Variants in IQSEC2 observed in about 807,000 individuals in gnomAD.
IQSEC2 encodes IQ motif and SEC7 domain-containing protein 2.
In IQSEC2, 6 loss-of-function variants were observed where a neutral mutation model predicts 74.6. The ratio of observed to expected loss-of-function variants is 0.08; its 90% CI spans 0.04 to 0.16. The LOEUF (loss-of-function observed/expected upper bound fraction) is 0.16. Among genes scored for constraint, IQSEC2 ranks in the 10% least tolerant of loss-of-function variants. The pLI is 1.00. For missense variants in IQSEC2, 734 were observed against 1,306.2 expected, an observed-to-expected ratio of 0.56 and a Z score of 6.75; for synonymous variants, 494 against 544.5, an observed-to-expected ratio of 0.91 and a Z score of 1.29.
At chrX:53,278,052 C>T (rs1379027426) in intron 2 of IQSEC2, among the ~76,000 whole-genome samples, 1 of 96,360 alleles carries the variant, frequency 1.0e-5, no homozygotes, top group African/African-American at 4.0e-5. Context: ...ACTCTGTCGC[C>T]CAGGCTGGAG....
Position 53,292,801 on chromosome X carries a change from G to A in IQSEC2, c.708-877C>T, listed in dbSNP as rs782749830. Among the ~76,000 whole-genome samples, 13 of 111,736 alleles carry A rather than the reference G, an allele frequency of 1.2e-4. No homozygotes were observed. The South Asian group carries it at 2.6e-3, about 23-fold the overall frequency. ...TGTACACGTGTGTGTATGTGCGCGCGCACGTGTGTGTGTGTGTACGGGAGG... is the reference window on the plus strand; with the variant it reads ...TGTACACGTGTGTGTATGTGCGCGCACACGTGTGTGTGTGTGTACGGGAGG... On this transcript the variant is annotated intron_variant, in intron 1 of 14. Coordinates refer to ENST00000642864, the MANE Select transcript of IQSEC2 (RefSeq NM_001111125.3).
chrX:53,309,518 A>G (rs1249853143), intron 1 of IQSEC2, among the ~76,000 whole-genome samples: 1 of 111,897 alleles, frequency 8.9e-6, no homozygotes, highest in Non-Finnish European at 1.9e-5. Context: ...TCCAATATCT[A>G]TGCTTCTTTT....
chrX:53,242,245 C>A (rs1364819104), intron 9 of IQSEC2, among the ~76,000 whole-genome samples: 1 of 109,121 alleles, frequency 9.2e-6, no homozygotes, highest in African/African-American at 3.3e-5. Context: ...ATCAGCCTGG[C>A]CAACATGGTG....
In IQSEC2 at chrX:53,238,194, C is replaced by T. The variant is rs1284351565; in HGVS notation, c.3228G>A (p.Leu1076=). Residue 1076 remains leucine, a synonymous_variant, in exon 12 of 15, where the codon CTG becomes CTA. Coordinates refer to ENST00000642864, the MANE Select transcript of IQSEC2 (RefSeq NM_001111125.3). Reference sequence around the variant, plus strand: ...CCTGCACCTCCGCAATGGACTCGCGCAGGTCGGATGTAAAGCGCAGCCGGT... The same window carrying T: ...CCTGCACCTCCGCAATGGACTCGCGTAGGTCGGATGTAAAGCGCAGCCGGT... ...LQDRLRFTSD[L]RESIAEVQEM... 2 of 1,206,710 alleles carry T rather than the reference C, an allele frequency of 1.7e-6. No individual in the cohort carries two copies. The highest frequency in any genetic ancestry group is 2.2e-6 in the Non-Finnish European group (2 of 894,036).
chrX:53,294,773 C>T (rs916334344), intron 1 of IQSEC2, among the ~76,000 whole-genome samples: 6 of 111,952 alleles, frequency 5.4e-5, no homozygotes, highest in East Asian at 2.8e-4. Context: ...TAAAGGAGAC[C>T]GATTTCTCCT....
At chrX:53,273,339 G>A (rs2074773000) in intron 2 of IQSEC2, among the ~76,000 whole-genome samples, 1 of 110,923 alleles carries the variant, frequency 9.0e-6, no homozygotes, top group Non-Finnish European at 1.9e-5. Context: ...CGGTGTCATT[G>A]TCTATGTGCC....
chrX:53,321,178 A>C lies in IQSEC2; in HGVS notation c.-55T>G. ...AGGAGAGCCCTGTCCCCGCTCTCTCACGGCGCCACCCTCCCCCGGGCCCAG... is the reference window on the plus strand; with the variant it reads ...AGGAGAGCCCTGTCCCCGCTCTCTCCCGGCGCCACCCTCCCCCGGGCCCAG... On this transcript the variant is annotated 5_prime_UTR_variant, in exon 1 of 15. Transcript: ENST00000642864. The C allele has an allele frequency of 4.9e-5, 37 of 749,711 alleles. No homozygotes were observed. Among genetic ancestry groups the C allele is most frequent in the Middle Eastern group, 4.6e-4 (1 of 2,183 alleles). 61.8% of individuals were successfully genotyped at this position (749,711 alleles called of 1,213,427 possible).
chrX:53,258,676 G>T (rs2074514018), intron 2 of IQSEC2, among the ~76,000 whole-genome samples: 1 of 109,374 alleles, frequency 9.1e-6, no homozygotes, highest in Non-Finnish European at 1.9e-5. Flanking sequence ...GCAACATGGC[G>T]AAAACCCGTC....
At chrX:53,305,451 C>G (rs1217870210) in intron 1 of IQSEC2, among the ~76,000 whole-genome samples, 19 of 111,287 alleles carry the variant, frequency 1.7e-4, no homozygotes, top group African/African-American at 6.2e-4. Context: ...TGGCCTCAAG[C>G]AATCCTGCCT....
At chrX:53,263,169 A>G (rs1378201365) in intron 2 of IQSEC2, among the ~76,000 whole-genome samples, 2 of 111,917 alleles carry the variant, frequency 1.8e-5, no homozygotes, top group Non-Finnish European at 3.8e-5. Context: ...ATATTTGTGG[A>G]GTGGGTGAAC....
At chrX:53,304,606 G>A (rs1004593676) in intron 1 of IQSEC2, among the ~76,000 whole-genome samples, 8 of 112,157 alleles carry the variant, frequency 7.1e-5, no homozygotes, top group Non-Finnish European at 1.3e-4. Context: ...AAAGAGAAAA[G>A]TATCACTTCA....
intron 1 of IQSEC2, among the ~76,000 whole-genome samples, chrX:53,299,999 A>G (rs1001255641): frequency 2.9e-5 from 3 of 101,728 alleles, no homozygotes; most frequent in Non-Finnish European, 5.8e-5. Flanking sequence ...AGCTCAAGCA[A>G]TCCTCCCACC....
chrX:53,256,579 G>A (rs2074473061), intron 2 of IQSEC2, among the ~76,000 whole-genome samples: 1 of 110,673 alleles, frequency 9.0e-6, no homozygotes, highest in Admixed American at 9.6e-5. Context: ...TGTCCCAGCT[G>A]TGTGAGGCCC....
intron 2 of IQSEC2, among the ~76,000 whole-genome samples, chrX:53,258,966 G>T (rs1302307994): frequency 1.8e-5 from 2 of 111,536 alleles, no homozygotes; most frequent in African/African-American, 3.3e-5. Context: ...CAAGGCAGGT[G>T]GATCACCTGA....
rs782768601 is a variant in IQSEC2, at chrX:53,251,022, G to C, written c.1554C>G (p.Leu518=). Residue 518 remains leucine (L), a synonymous_variant, in exon 5 of 15, where the codon CTC becomes CTG. Coordinates refer to ENST00000642864, the MANE Select transcript of IQSEC2 (RefSeq NM_001111125.3). ...SSATSFSDLP[L]YLDDTVPQQS... is the part of the protein sequence containing the mutation. ...GTTGGGGAACTGTGTCATCCAGGTA[G>C]AGGGGAAGATCACTGAAGGATGTGG... 8.3e-7 allele frequency: 1 copy of C among 1,211,889 alleles called. No individual in the cohort carries two copies. The highest frequency in any genetic ancestry group is 2.2e-5 in the Admixed American group (1 of 46,081).
chrX:53,246,266 C>T (rs781817883), intron 8 of IQSEC2, among the ~76,000 whole-genome samples: 1 of 112,350 alleles, frequency 8.9e-6, no homozygotes, highest in South Asian at 3.7e-4. Context: ...CTTCTCCATG[C>T]CTTCAAGACC....
intron 1 of IQSEC2, among the ~76,000 whole-genome samples, chrX:53,295,287 A>G (rs12844867): frequency 0.21 from 23,690 of 111,198 alleles, 3,272 homozygotes; most frequent in African/African-American, 0.51. Context: ...ATCTGACCAG[A>G]GATTTTAATG....
In IQSEC2 at chrX:53,318,297, G is replaced by A. The variant is rs192157390; in HGVS notation, c.707+2120C>T. On this transcript the variant is annotated intron_variant, in intron 1 of 14. Coordinates refer to ENST00000642864, the MANE Select transcript of IQSEC2 (RefSeq NM_001111125.3). The stretch of plus-strand genomic sequence containing the variant: ...TATATGGTCAGGAGAGAAACTTAAA[G>A]TACTACCTAAACCCCTTTATTAATC... Among the ~76,000 whole-genome samples the A allele has an allele frequency of 4.5e-5, 5 of 112,302 alleles. No homozygotes were observed. The East Asian group carries it at 1.1e-3, about 25-fold the overall frequency.
chrX:53,293,169 G>T (rs1366898445), intron 1 of IQSEC2, among the ~76,000 whole-genome samples: 10 of 112,350 alleles, frequency 8.9e-5, no homozygotes, highest in African/African-American at 3.2e-4. Flanking sequence ...CTGGCGAGGT[G>T]GGGCAGGCAA....
Sources: gnomAD v4.1 joint callset for allele counts (sites outside exome capture counted in the v4.1 genomes callset) on GRCh38, gnomAD v4.1.1 for gene constraint, MANE v1.5 for transcripts, NCBI Gene and HGNC (gene_info 2026-07-23, HGNC 2026-07-21) for gene names.